The following FMN1 variants were observed in gnomAD, a reference collection of about 807,000 sequenced individuals.
The protein encoded by FMN1 is formin-1.
In FMN1, 110 loss-of-function variants were observed where a neutral mutation model predicts 132.4. That is an observed-to-expected ratio of 0.83 (90% CI 0.71 to 0.97). FMN1 has a LOEUF of 0.97. FMN1 is among the 50% of genes least tolerant of loss of function. The pLI is 0.00. For missense variants in FMN1, 1,792 were observed against 1,705.3 expected (o/e 1.05, Z -0.90); for synonymous variants, 722 against 651.7 (o/e 1.11, Z -1.64).
chr15:33,048,852 G>A (rs542358696), intron 6 of FMN1, among the ~76,000 whole-genome samples: 3 of 152,184 alleles, frequency 2.0e-5, no homozygotes, highest in African/African-American at 4.8e-5. Context: ...CTGCCCCCAT[G>A]ATTCAACTAT....
At chr15:33,088,533 G>A (rs1308766137) in intron 5 of FMN1, among the ~76,000 whole-genome samples, 2 of 152,156 alleles carry the variant, frequency 1.3e-5, no homozygotes, top group East Asian at 1.9e-4. Flanking sequence ...GATCTAGGCT[G>A]CAAAGCTAAT....
At chr15:33,108,573 G>A (rs1417022334) in intron 4 of FMN1, among the ~76,000 whole-genome samples, 1 of 151,990 alleles carries the variant, frequency 6.6e-6, no homozygotes. Context: ...AAAAAAAGAA[G>A]AAAGTTAAAG....
chr15:32,929,642 T>G (rs987691687), intron 9 of FMN1, among the ~76,000 whole-genome samples: 1 of 152,224 alleles, frequency 6.6e-6, no homozygotes, highest in African/African-American at 2.4e-5. Context: ...TCCTTTGAGT[T>G]TGACCACCAC....
At chr15:32,926,946 A>T (rs899713799) in intron 9 of FMN1, among the ~76,000 whole-genome samples, 1 of 152,090 alleles carries the variant, frequency 6.6e-6, no homozygotes, top group East Asian at 1.9e-4. Context: ...CACCACACCC[A>T]GCTAATTTTT....
intron 11 of FMN1, among the ~76,000 whole-genome samples, chr15:32,910,226 TA>T (rs2060524141): frequency 6.6e-6 from 1 of 152,210 alleles, no homozygotes; most frequent in African/African-American, 2.4e-5. Context: ...CCAGGGCACG[TA>T]AATGGTGTCC....
rs1171951131 is a variant in FMN1, at chr15:33,088,876, C to T, written c.1966G>A (p.Ala656Thr). ...DGGAWVLGYR[A>T]GPACPFLLHE... ...AGCAAAAATGGACAGGCTGGTCCCG[C>T]TCTGTAGCCCAGAACCCACGCGCCT... The change falls in exon 5 of 21, where the codon GCG (alanine) becomes ACG (threonine). Residue 656 changes from alanine to threonine, a missense_variant. This residue lies in a region of FMN1 where 1,150 missense variants were observed against 1,043.1 expected (regional missense o/e 1.10). Transcript: ENST00000616417. 3.3e-6 allele frequency: 5 copies of T among 1,536,022 alleles called. No individual in the cohort carries two copies. The highest frequency in any genetic ancestry group is 4.4e-6 in the Non-Finnish European group (5 of 1,146,848).
In FMN1 at chr15:33,008,020, GT is replaced by G; in HGVS notation, c.2216del (p.Asn739ThrfsTer19). ...TAGCATCAAAGAGGCATACCTGCAGGTTTTCAATTTCTTCTTTGTGCTCCCT... is the reference window on the plus strand; with the variant it reads ...TAGCATCAAAGAGGCATACCTGCAGGTTTCAATTTCTTCTTTGTGCTCCCT... ...LKREHKEEIE[N>X]LQAQFELRAF... is the part of the protein sequence containing the mutation. On this transcript the variant is annotated frameshift_variant, in exon 7 of 21. Coordinates refer to ENST00000616417, the MANE Select transcript of FMN1 (RefSeq NM_001277313.2). LOFTEE classifies it high-confidence loss of function. 1 of 1,600,378 alleles carries G rather than the reference GT, an allele frequency of 6.2e-7. No individual in the cohort carries two copies. Among genetic ancestry groups the G allele is most frequent in the Non-Finnish European group, 8.5e-7 (1 of 1,172,656 alleles).
At chr15:33,074,894 G>A (rs542002787) in intron 5 of FMN1, among the ~76,000 whole-genome samples, 5 of 151,628 alleles carry the variant, frequency 3.3e-5, no homozygotes, top group Admixed American at 6.6e-5. Context: ...GGTGGTGTGC[G>A]CCTGTAGTCC....
chr15:32,778,223 CATTT>C (rs1471816005), intron 19 of FMN1, among the ~76,000 whole-genome samples: 6 of 134,958 alleles, frequency 4.4e-5, no homozygotes, highest in African/African-American at 5.6e-5. Flanking sequence ...TTATATAATA[CATTT>C]ATTTATATAT....
At chr15:33,034,472 G>A (rs956545975) in intron 6 of FMN1, among the ~76,000 whole-genome samples, 1 of 152,116 alleles carries the variant, frequency 6.6e-6, no homozygotes. Context: ...AGCTACTAAG[G>A]AAGCTGAGGC....
chr15:32,792,393 C>G (rs181119774), intron 19 of FMN1, among the ~76,000 whole-genome samples: 1 of 151,462 alleles, frequency 6.6e-6, no homozygotes, highest in South Asian at 2.1e-4. Flanking sequence ...TGTAGTGAGC[C>G]GAAATCGCGC....
intron 7 of FMN1, among the ~76,000 whole-genome samples, chr15:32,977,096 C>T (rs1445359005): frequency 2.0e-5 from 3 of 152,180 alleles, no homozygotes; most frequent in African/African-American, 2.4e-5. Flanking sequence ...AATACTAACT[C>T]ATAATAATTA....
intron 6 of FMN1, among the ~76,000 whole-genome samples, chr15:33,037,739 G>A (rs912900126): frequency 1.3e-5 from 2 of 152,184 alleles, no homozygotes; most frequent in Non-Finnish European, 2.9e-5. Flanking sequence ...CATTGTCACA[G>A]GTGATTCGGA....
At chr15:33,023,044 T>TC (rs1006760156) in intron 6 of FMN1, among the ~76,000 whole-genome samples, 1 of 79,928 alleles carries the variant, frequency 1.3e-5, no homozygotes, top group African/African-American at 5.3e-5. Context: ...AAGACCCTGA[T>TC]CCCCCTCCCC....
intron 3 of FMN1, among the ~76,000 whole-genome samples, chr15:33,174,638 C>T (rs8028696): frequency 0.19 from 28,452 of 152,114 alleles, 3,319 homozygotes; most frequent in Middle Eastern, 0.29. Context: ...ATAATTTGAT[C>T]CACTGATACT....
intron 15 of FMN1, among the ~76,000 whole-genome samples, chr15:32,898,048 T>G (rs1184358058): frequency 6.6e-6 from 1 of 152,080 alleles, no homozygotes; most frequent in African/African-American, 2.4e-5. Context: ...ACCAGGAGGG[T>G]AGAAGAAAGT....
intron 5 of FMN1, 44 bp from the exon 6 acceptor site, chr15:33,065,118 C>T (rs778767883): frequency 1.5e-6 from 2 of 1,292,280 alleles, no homozygotes; most frequent in Middle Eastern, 1.9e-4. Flanking sequence ...GTAGTCAGAG[C>T]CGATTAATTC....
intron 15 of FMN1, among the ~76,000 whole-genome samples, chr15:32,890,967 T>C (rs1248423646): frequency 6.6e-6 from 1 of 152,214 alleles, no homozygotes; most frequent in African/African-American, 2.4e-5. Context: ...GCTAGCCAAT[T>C]ATCCCAGCAC....
chr15:32,926,640 A>G (rs1468890378), intron 9 of FMN1, among the ~76,000 whole-genome samples: 1 of 152,234 alleles, frequency 6.6e-6, no homozygotes, highest in African/African-American at 2.4e-5. Context: ...GTCACTTCAT[A>G]GCCTCCAATC....
Sources: gnomAD v4.1 joint callset for allele counts (sites outside exome capture counted in the v4.1 genomes callset) on GRCh38, gnomAD v4.1.1 for gene constraint, gnomAD v4.1.1 regional missense constraint, MANE v1.5 for transcripts, NCBI Gene and HGNC (gene_info 2026-07-23, HGNC 2026-07-21) for gene names.